Variants in HRH2 observed in about 807,000 individuals in gnomAD.
The protein encoded by HRH2 is histamine H2 receptor.
Under a neutral mutation model 20.1 loss-of-function variants are expected in HRH2, and 4 were observed. The ratio of observed to expected loss-of-function variants is 0.20; its 90% confidence interval spans 0.10 to 0.45. HRH2 has a LOEUF of 0.45. Among genes scored for constraint, HRH2 ranks in the 20% least tolerant of loss-of-function variants. HRH2 has a pLI of 0.99. For missense variants in HRH2, 250 were observed against 461.6 expected, an observed-to-expected ratio of 0.54 and a Z score of 4.20; for synonymous variants, 197 against 200.7, an observed-to-expected ratio of 0.98 and a Z score of 0.16.
chr5:175,679,720 C>T (rs922171716), intron 1 of HRH2, among the ~76,000 whole-genome samples: 3 of 152,072 alleles, frequency 2.0e-5, no homozygotes, highest in African/African-American at 7.2e-5. Context: ...ACACACCAGG[C>T]ATAGGGGATG....
chr5:175,678,286 G>A (rs1484690457), intron 1 of HRH2, among the ~76,000 whole-genome samples: 2 of 152,194 alleles, frequency 1.3e-5, no homozygotes, highest in Non-Finnish European at 2.9e-5. Context: ...GCACATGAAT[G>A]CTATTTGCTG....
intron 2 of HRH2, among the ~76,000 whole-genome samples, chr5:175,689,662 T>A (rs963283589): frequency 6.6e-5 from 10 of 152,310 alleles, no homozygotes; most frequent in Admixed American, 1.3e-4. Flanking sequence ...TCCCTCCAAA[T>A]ACTGGCATCA....
rs1263538284 is a variant in HRH2 at position 175,705,686 on chromosome 5, A to C, written c.1077-2093A>C. ...GTAGACTTTTTTTTTTTTTTGAGAC[A>C]GGGTCTCACTTTGTCCCCCAGGCTG... On this transcript the variant is annotated intron_variant, in intron 2 of 2. Transcript: ENST00000636584. Among the ~76,000 whole-genome samples, 5 of 151,080 alleles carry C rather than the reference A, an allele frequency of 3.3e-5. No individual in the cohort carries two copies. The East Asian group carries it at 9.7e-4, about 29-fold the overall frequency.
At chr5:175,703,280 C>T (rs1756847969) in intron 2 of HRH2, among the ~76,000 whole-genome samples, 1 of 152,096 alleles carries the variant, frequency 6.6e-6, no homozygotes. Context: ...AAAATTAAAT[C>T]ATAACAAAAC....
At chr5:175,658,177 C>T (rs1442876875) in intron 1 of HRH2, 22 bp downstream of exon 1, 1 of 151,612 alleles carries the variant, frequency 6.6e-6, no homozygotes, top group Non-Finnish European at 1.5e-5. Context: ...GCCGCCTCCC[C>T]GCGGGGCCTC....
At chr5:175,697,199 C>T (rs1003075062) in intron 2 of HRH2, among the ~76,000 whole-genome samples, 1 of 152,124 alleles carries the variant, frequency 6.6e-6, no homozygotes, top group African/African-American at 2.4e-5. Flanking sequence ...CGCGGTGGCT[C>T]ACGCCTGTAA....
At chr5:175,671,712 CATT>C (rs1288983459) in intron 1 of HRH2, among the ~76,000 whole-genome samples, 2 of 152,198 alleles carry the variant, frequency 1.3e-5, no homozygotes, top group African/African-American at 4.8e-5. Context: ...GCAAATGTAA[CATT>C]ATGCCAGCTG....
chr5:175,673,716 T>G (rs554689829), intron 1 of HRH2, among the ~76,000 whole-genome samples: 1 of 151,282 alleles, frequency 6.6e-6, no homozygotes, highest in Non-Finnish European at 1.5e-5. Context: ...TTTGTTTTTT[T>G]TTTTTTTGAC....
rs1034157283 is a variant in HRH2 at position 175,681,655 on chromosome 5, C to T, written c.-525-1054C>T. On this transcript the variant is annotated intron_variant, in intron 1 of 2. Coordinates refer to ENST00000636584, the MANE Select transcript of HRH2 (RefSeq NM_001367711.1). This position sits in a 1 kb window ranked among gnomAD's most constrained non-coding sequence, Gnocchi z 4.3. ...ATTGCACATGCAGTTACTTTATTGA[C>T]GTAGTGTTTGCACTACTTCAATAGT... Among the ~76,000 whole-genome samples, 13 of 152,238 alleles carry T rather than the reference C, an allele frequency of 8.5e-5. No individual in the cohort carries two copies. The East Asian group carries it at 9.6e-4, about 11-fold the overall frequency.
At position 175,708,086 on chromosome 5, in the gene HRH2, G is replaced by A; in HGVS notation, c.*115G>A. 1.0e-5 allele frequency: 4 copies of A among 397,934 alleles called. No individual in the cohort carries two copies. Among genetic ancestry groups the A allele is most frequent in the Middle Eastern group, 6.3e-4 (1 of 1,588 alleles). 24.7% of individuals were successfully genotyped at this position (397,934 alleles called of 1,614,324 possible). A position where few individuals can be genotyped will look rare whatever the true frequency, so the allele number is the denominator to read the frequency against. Reference sequence around the variant, plus strand: ...GGACTCACCCTGGACTGAATCTGGGGGCTCCCAGAACACACAGCTGGGTGT... The same window carrying A: ...GGACTCACCCTGGACTGAATCTGGGAGCTCCCAGAACACACAGCTGGGTGT... On this transcript the variant is annotated 3_prime_UTR_variant, in exon 3 of 3. Coordinates refer to ENST00000636584, the MANE Select transcript of HRH2 (RefSeq NM_001367711.1).
chr5:175,672,725 C>A (rs1184804262), intron 1 of HRH2, among the ~76,000 whole-genome samples: 2 of 152,176 alleles, frequency 1.3e-5, no homozygotes, highest in African/African-American at 4.8e-5. Flanking sequence ...TCGCCAAGCT[C>A]TCATTCCAGT....
In HRH2 at chr5:175,681,181, G is replaced by A. The variant is rs1454306971; in HGVS notation, c.-525-1528G>A. Among the ~76,000 whole-genome samples, 1 of 152,174 alleles carries A rather than the reference G, an allele frequency of 6.6e-6. No individual in the cohort carries two copies. The highest frequency in any genetic ancestry group is 1.5e-5 in the Non-Finnish European group (1 of 68,020). On this transcript the variant is annotated intron_variant, in intron 1 of 2. Transcript: ENST00000636584. The surrounding 1 kb of genome is among the most constrained non-coding windows in gnomAD (Gnocchi z 4.3). The stretch of plus-strand genomic sequence containing the variant: ...TAAGTGTGGCGGTGAGACCCATGCT[G>A]TTTGGGCTATTTATGTAATGAAAAG...
intron 1 of HRH2, among the ~76,000 whole-genome samples, chr5:175,659,580 G>A (rs1176911713): frequency 6.6e-6 from 1 of 152,210 alleles, no homozygotes; most frequent in Non-Finnish European, 1.5e-5. Flanking sequence ...TGAGGAAACT[G>A]AGGTTCCCAG....
chr5:175,691,122 C>G (rs551516734), intron 2 of HRH2: 1 of 152,352 alleles, frequency 6.6e-6, no homozygotes, highest in Non-Finnish European at 1.5e-5. Context: ...AATCCCTGCC[C>G]GCCCAGCTTC....
Position 175,693,540 on chromosome 5 carries a change from C to T in HRH2, c.1076+9231C>T, listed in dbSNP as rs191136092. The stretch of plus-strand genomic sequence containing the variant: ...GGACTGACCACATCCCTTTGTTACC[C>T]AGGGTGGGTGGACTGGCTGTCCCCA... On this transcript the variant is annotated intron_variant, in intron 2 of 2. Coordinates refer to ENST00000636584, the MANE Select transcript of HRH2 (RefSeq NM_001367711.1). This position sits in a 1 kb window ranked among gnomAD's most constrained non-coding sequence, Gnocchi z 4.4. 5.3e-5 allele frequency among the ~76,000 whole-genome samples: 8 copies of T among 152,322 alleles called. No homozygotes were observed. The highest frequency in any genetic ancestry group is 7.3e-5 in the Non-Finnish European group (5 of 68,028).
intron 2 of HRH2, among the ~76,000 whole-genome samples, chr5:175,694,447 G>A (rs1257983150): frequency 3.3e-5 from 5 of 152,048 alleles, no homozygotes; most frequent in African/African-American, 4.8e-5. Context: ...GGACATAGTC[G>A]GCCGGCTCCT....
At chr5:175,673,371 G>C (rs891998897) in intron 1 of HRH2, among the ~76,000 whole-genome samples, 1 of 151,478 alleles carries the variant, frequency 6.6e-6, no homozygotes, top group African/African-American at 2.4e-5. Flanking sequence ...CCAGGTGTTT[G>C]GAGGCTGGGG....
chr5:175,707,467 A>G (rs1481404296), intron 2 of HRH2, among the ~76,000 whole-genome samples: 7 of 152,178 alleles, frequency 4.6e-5, no homozygotes, highest in African/African-American at 1.7e-4. Flanking sequence ...AAAATCGTGA[A>G]TTGGATATTT....
intron 2 of HRH2, among the ~76,000 whole-genome samples, chr5:175,690,311 GC>G (rs1326385809): frequency 3.9e-5 from 6 of 152,144 alleles, no homozygotes; most frequent in African/African-American, 1.4e-4. Context: ...CCTAGTATGA[GC>G]CATGGCCACA....
Sources: gnomAD v4.1 joint callset for allele counts (sites outside exome capture counted in the v4.1 genomes callset) on GRCh38, gnomAD v4.1.1 for gene constraint, Gnocchi (gnomAD v3.1) non-coding constraint, MANE v1.5 for transcripts, NCBI Gene and HGNC (gene_info 2026-07-23, HGNC 2026-07-21) for gene names.